The following UBE2E2 variants were observed in gnomAD, a reference collection of about 807,000 sequenced individuals.
UBE2E2 encodes ubiquitin-conjugating enzyme E2 E2.
A neutral mutation model predicts 24.7 loss-of-function variants in UBE2E2; 6 were observed. That is an observed-to-expected ratio of 0.24 (90% CI 0.13 to 0.48). The LOEUF is 0.48. Among genes scored for constraint, UBE2E2 ranks in the 20% least tolerant of loss-of-function variants. The pLI, the probability that UBE2E2 is intolerant of heterozygous loss-of-function variation, is 0.99. For synonymous variants in UBE2E2, 104 were observed against 83.6 expected (o/e 1.24, Z -1.33); for missense variants, 169 against 245.0 (o/e 0.69, Z 2.07).
At chr3:23,421,796 C>T (rs982837119) in intron 3 of UBE2E2, among the ~76,000 whole-genome samples, 1 of 152,250 alleles carries the variant, frequency 6.6e-6, no homozygotes, top group African/African-American at 2.4e-5. Flanking sequence ...AATATGTACA[C>T]ATGGCCAGAG....
At chr3:23,405,202 T>G (rs1479158324) in intron 3 of UBE2E2, among the ~76,000 whole-genome samples, 1 of 152,214 alleles carries the variant, frequency 6.6e-6, no homozygotes, top group Non-Finnish European at 1.5e-5. Flanking sequence ...AGGTTTGAAT[T>G]CCAAATATGT....
At chr3:23,399,039 T>C (rs2125368861) in intron 3 of UBE2E2, among the ~76,000 whole-genome samples, 1 of 152,322 alleles carries the variant, frequency 6.6e-6, no homozygotes, top group Admixed American at 6.5e-5. Context: ...TTGCTGTCGG[T>C]TGAAACACAT....
At chr3:23,270,634 G>C (rs150497060) in intron 3 of UBE2E2, among the ~76,000 whole-genome samples, 2 of 152,112 alleles carry the variant, frequency 1.3e-5, no homozygotes, top group African/African-American at 2.4e-5. Context: ...TGAGTGTTTC[G>C]GTCTCTGAAG....
intron 3 of UBE2E2, among the ~76,000 whole-genome samples, chr3:23,444,145 C>T (rs1698373157): frequency 2.7e-5 from 4 of 149,656 alleles, no homozygotes; most frequent in Admixed American, 2.7e-4. Context: ...ATGTCTGAGC[C>T]CTTAGTTGCC....
At chr3:23,518,731 C>A (rs555889710) in intron 4 of UBE2E2, among the ~76,000 whole-genome samples, 9 of 152,188 alleles carry the variant, frequency 5.9e-5, no homozygotes, top group Non-Finnish European at 1.2e-4. Flanking sequence ...AGTGCCTTGT[C>A]CCTTTTTCCC....
intron 3 of UBE2E2, among the ~76,000 whole-genome samples, chr3:23,380,756 G>A (rs1292464589): frequency 6.6e-6 from 1 of 152,146 alleles, no homozygotes; most frequent in Admixed American, 6.5e-5. Flanking sequence ...GCTCCCCCTT[G>A]ATTTAGAATT....
At chr3:23,270,523 C>G (rs1389944301) in intron 3 of UBE2E2, among the ~76,000 whole-genome samples, 1 of 152,178 alleles carries the variant, frequency 6.6e-6, no homozygotes, top group Non-Finnish European at 1.5e-5. Context: ...AGGGCTCGTT[C>G]TGTTCTCCTT....
chr3:23,225,258 T>C (rs1696787153), intron 3 of UBE2E2, among the ~76,000 whole-genome samples: 1 of 151,550 alleles, frequency 6.6e-6, no homozygotes, highest in South Asian at 2.1e-4. Context: ...TTTTTTTTAC[T>C]TTCTTGATAA....
intron 3 of UBE2E2, among the ~76,000 whole-genome samples, chr3:23,301,252 G>A (rs1365355486): frequency 6.6e-6 from 1 of 152,130 alleles, no homozygotes; most frequent in Non-Finnish European, 1.5e-5. Context: ...GCTCAGAGTA[G>A]TTTGATTGTC....
chr3:23,361,106 C>T (rs766527906), intron 3 of UBE2E2, among the ~76,000 whole-genome samples: 8 of 152,036 alleles, frequency 5.3e-5, no homozygotes, highest in East Asian at 1.9e-4. Context: ...ATCGGGAAAA[C>T]GCAAATTAAA....
intron 3 of UBE2E2, among the ~76,000 whole-genome samples, chr3:23,294,691 T>C (rs1698862889): frequency 6.8e-6 from 1 of 147,174 alleles, no homozygotes; most frequent in South Asian, 2.1e-4. Flanking sequence ...TATTTAAATA[T>C]AATATTTATA....
At position 23,203,333 on chromosome 3, in the gene UBE2E2, C is replaced by T. The variant is rs1176599337; in HGVS notation, c.-140C>T. Reference sequence around the variant, plus strand: ...GTGCGTGGTGCGTGGGTCCGGCTTTCGGTGACTAGACGGTCCGCAGGGGAC... The same window carrying T: ...GTGCGTGGTGCGTGGGTCCGGCTTTTGGTGACTAGACGGTCCGCAGGGGAC... On this transcript the variant is annotated 5_prime_UTR_variant, in exon 1 of 6. Transcript: ENST00000396703. 2 of 986,488 alleles carry T rather than the reference C, an allele frequency of 2.0e-6. No individual in the cohort carries two copies. The highest frequency in any genetic ancestry group is 1.7e-5 in the African/African-American group (1 of 57,150). The allele number at this position is 986,488 out of a possible 1,614,324, so 61.1% of individuals were successfully genotyped here.
intron 3 of UBE2E2, among the ~76,000 whole-genome samples, chr3:23,285,767 C>T (rs993586414): frequency 2.0e-5 from 3 of 152,238 alleles, no homozygotes; most frequent in Admixed American, 1.3e-4. Flanking sequence ...CAGTGGCTCT[C>T]ACTGCAACCT....
intron 3 of UBE2E2, among the ~76,000 whole-genome samples, chr3:23,498,709 T>A (rs1418223018): frequency 6.6e-6 from 1 of 152,110 alleles, no homozygotes; most frequent in Non-Finnish European, 1.5e-5. Context: ...AGGGGCCAGG[T>A]GTGGTCCAGT....
rs567975877 is a variant in UBE2E2, at chr3:23,539,336, A to G, written c.508+6635A>G. ...CCTGCTAAAACTTTGTTACTTTCAT[A>G]ACTTAAATATACGTCCTTTGATAGG... is the stretch of plus-strand genomic sequence containing the variant. On this transcript the variant is annotated intron_variant, in intron 5 of 5. Transcript: ENST00000396703. 9.8e-5 allele frequency among the ~76,000 whole-genome samples: 15 copies of G among 152,338 alleles called. No individual in the cohort carries two copies. The South Asian group carries it at 2.5e-3, about 25-fold the overall frequency.
intron 3 of UBE2E2, among the ~76,000 whole-genome samples, chr3:23,476,356 T>C (rs17013322): frequency 0.029 from 4,406 of 152,176 alleles, 117 homozygotes; most frequent in East Asian, 0.13. Flanking sequence ...CTAAGACTTA[T>C]GAAATTGGCA....
At chr3:23,241,630 AC>A (rs1378361941) in intron 3 of UBE2E2, among the ~76,000 whole-genome samples, 1 of 151,444 alleles carries the variant, frequency 6.6e-6, no homozygotes, top group Non-Finnish European at 1.5e-5. Flanking sequence ...CTACCTCAAT[AC>A]ACCCAATTAT....
At chr3:23,564,340 GCATT>G (rs1055353867) in intron 5 of UBE2E2, among the ~76,000 whole-genome samples, 4 of 152,088 alleles carry the variant, frequency 2.6e-5, no homozygotes, top group Non-Finnish European at 4.4e-5. Context: ...GCTGTTTTAA[GCATT>G]CATTAAATCT....
chr3:23,298,677 G>C (rs1227607733), intron 3 of UBE2E2, among the ~76,000 whole-genome samples: 3 of 151,712 alleles, frequency 2.0e-5, no homozygotes, highest in Non-Finnish European at 4.4e-5. Context: ...ATGTGCTGCT[G>C]GATTCGGTTT....
Sources: gnomAD v4.1 joint callset for allele counts (sites outside exome capture counted in the v4.1 genomes callset) on GRCh38, gnomAD v4.1.1 for gene constraint, MANE v1.5 for transcripts, NCBI Gene and HGNC (gene_info 2026-07-23, HGNC 2026-07-21) for gene names.